Variants in SOX5 observed in about 807,000 individuals in gnomAD.
SOX5 encodes the protein SRY-box transcription factor 5, also known as transcription factor SOX-5.
Under a neutral mutation model 92.0 loss-of-function variants are expected in SOX5, and 9 were observed. That is an observed-to-expected ratio of 0.10 (90% CI 0.06 to 0.17). The LOEUF is 0.17. SOX5 is among the 10% of genes least tolerant of loss of function. The probability of loss-of-function intolerance (pLI) is 1.00; values close to 1 mark genes in which losing one functional copy is unlikely to be tolerated. For missense variants in SOX5, 642 were observed against 944.5 expected, an observed-to-expected ratio of 0.68 and a Z score of 4.20; for synonymous variants, 344 against 336.3, an observed-to-expected ratio of 1.02 and a Z score of -0.25.
chr12:24,139,537 T>C (rs1466828330), intron 4 of SOX5, among the ~76,000 whole-genome samples: 1 of 152,208 alleles, frequency 6.6e-6, no homozygotes, highest in East Asian at 1.9e-4. Context: ...TGGGATAAAA[T>C]ATTTTAATGT....
chr12:24,401,085 G>A lies in SOX5; in HGVS notation c.-250-32446C>T, dbSNP rs756905902. On this transcript the variant is annotated intron_variant, in intron 1 of 4. Transcript: ENST00000446891. ...ATGCACTTTGTTGGCCAGGCACGGC[G>A]GCTCATGCTTGTAATCCCAGCACTT... Among the ~76,000 whole-genome samples, 50 of 152,116 alleles carry A rather than the reference G, an allele frequency of 3.3e-4. 1 individual carries two copies. Among genetic ancestry groups the A allele is most frequent in the Non-Finnish European group, 4.7e-4 (32 of 68,020 alleles).
intron 1 of SOX5, among the ~76,000 whole-genome samples, chr12:24,490,955 A>G (rs978406863): frequency 2.6e-5 from 4 of 152,234 alleles, no homozygotes; most frequent in African/African-American, 7.2e-5. Flanking sequence ...AAGAGCTGCC[A>G]TATTCAAAAT....
At chr12:24,204,903 C>A (rs756909601) in intron 4 of SOX5, among the ~76,000 whole-genome samples, 10 of 151,862 alleles carry the variant, frequency 6.6e-5, no homozygotes, top group Non-Finnish European at 1.3e-4. Flanking sequence ...TATCATCTAA[C>A]CATGGTGCTA....
At chr12:24,485,699 T>G (rs1417561826) in intron 1 of SOX5, among the ~76,000 whole-genome samples, 1 of 152,204 alleles carries the variant, frequency 6.6e-6, no homozygotes, top group African/African-American at 2.4e-5. Context: ...TATTATGTAC[T>G]TTTCCACAGT....
chr12:24,039,295 CTAAA>C (rs146946192), intron 4 of SOX5, among the ~76,000 whole-genome samples: 5,231 of 152,134 alleles, frequency 0.034, 309 homozygotes, highest in African/African-American at 0.12. Flanking sequence ...TTGGCTATGA[CTAAA>C]TAATTTCTCA....
chr12:24,257,617 C>T (rs929542350), intron 3 of SOX5, among the ~76,000 whole-genome samples: 5 of 151,960 alleles, frequency 3.3e-5, no homozygotes, highest in Non-Finnish European at 5.9e-5. Context: ...TACAGGCACG[C>T]ACCACCACGA....
In SOX5 at chr12:23,572,406, T is replaced by G. The variant is rs1167266648; in HGVS notation, c.1342+3255A>C. ...AGAGAAAAGTAAATTGTAGTAGACT[T>G]AAATCCTTGGAAATTATGAGGGATG... On this transcript the variant is annotated intron_variant, in intron 10 of 14. Transcript: ENST00000451604. Among the ~76,000 whole-genome samples, 3 of 152,062 alleles carry G rather than the reference T, an allele frequency of 2.0e-5. No homozygotes were observed. In the East Asian group the frequency reaches 5.8e-4, roughly 29 times the overall value.
At chr12:24,479,916 T>C (rs12828033) in intron 1 of SOX5, among the ~76,000 whole-genome samples, 14,550 of 152,190 alleles carry the variant, frequency 0.096, 765 homozygotes, top group South Asian at 0.16. Context: ...TCCACCCACC[T>C]CAGCCTCCCA....
chr12:24,003,613 AT>A (rs748917036), intron 4 of SOX5, among the ~76,000 whole-genome samples: 1 of 152,104 alleles, frequency 6.6e-6, no homozygotes, highest in Non-Finnish European at 1.5e-5. Flanking sequence ...CAAGACTTGT[AT>A]GCTGAAAACT....
chr12:24,284,295 AATCCCTGGTGTAGGCTG>A (rs1428491628), intron 2 of SOX5, among the ~76,000 whole-genome samples: 4 of 152,052 alleles, frequency 2.6e-5, no homozygotes, highest in Non-Finnish European at 2.9e-5. Flanking sequence ...CTGCTCTGCT[AATCCCTGGTGTAGGCTG>A]ATCCCTGGAG....
chr12:23,784,808 G>A (rs557894708), intron 3 of SOX5, among the ~76,000 whole-genome samples: 2 of 152,278 alleles, frequency 1.3e-5, no homozygotes, highest in South Asian at 4.1e-4. Flanking sequence ...CACACGCAGT[G>A]GCTCACACCT....
At chr12:24,280,705 T>C (rs575900704) in intron 2 of SOX5, among the ~76,000 whole-genome samples, 1 of 152,296 alleles carries the variant, frequency 6.6e-6, no homozygotes, top group East Asian at 1.9e-4. Flanking sequence ...AGGTGACTAC[T>C]GCTTGGTGTT....
intron 1 of SOX5, among the ~76,000 whole-genome samples, chr12:24,447,005 GA>G: frequency 6.6e-6 from 1 of 152,168 alleles, no homozygotes; most frequent in East Asian, 1.9e-4. Context: ...AAATATCCAT[GA>G]GTCCATATTG....
intron 3 of SOX5, 55 bp from the exon 4 acceptor site, chr12:23,755,779 G>T: frequency 8.4e-7 from 1 of 1,186,196 alleles, no homozygotes; most frequent in Non-Finnish European, 1.2e-6. Flanking sequence ...TTACAATGGA[G>T]CTCATTAAAA....
At chr12:23,808,519 C>T (rs1348118371) in intron 3 of SOX5, among the ~76,000 whole-genome samples, 1 of 152,030 alleles carries the variant, frequency 6.6e-6, no homozygotes, top group African/African-American at 2.4e-5. Context: ...CAAAATAAAA[C>T]ACTTATTTGT....
At chr12:24,142,567 C>A (rs145833419) in intron 4 of SOX5, among the ~76,000 whole-genome samples, 7 of 152,062 alleles carry the variant, frequency 4.6e-5, no homozygotes, top group African/African-American at 7.2e-5. Flanking sequence ...GATGGAGTAA[C>A]AGGGACTGGA....
intron 1 of SOX5, among the ~76,000 whole-genome samples, chr12:24,530,380 TG>T (rs1951083159): frequency 1.3e-5 from 2 of 152,318 alleles, no homozygotes; most frequent in South Asian, 4.1e-4. Flanking sequence ...ATGAAAAAAC[TG>T]GGTTGGGATA....
At chr12:24,212,638 C>T in intron 4 of SOX5, 1 of 360,044 alleles carries the variant, frequency 2.8e-6, no homozygotes, top group Non-Finnish European at 5.5e-6. Context: ...AACACACAGC[C>T]ATTAGCCACA....
At position 23,729,648 on chromosome 12, in the gene SOX5, T is replaced by C. The variant is rs531376538; in HGVS notation, c.810+5036A>G. 5.9e-4 allele frequency among the ~76,000 whole-genome samples: 90 copies of C among 152,262 alleles called. No homozygotes were observed. The South Asian group carries it at 0.018, about 31-fold the overall frequency. ...GCTTGCAAGAGAACACAATGAACAATAGTTGGAAAAGTTAATCAGATGGGG... is the reference window on the plus strand; with the variant it reads ...GCTTGCAAGAGAACACAATGAACAACAGTTGGAAAAGTTAATCAGATGGGG... On this transcript the variant is annotated intron_variant, in intron 6 of 14. Transcript: ENST00000451604.
Sources: allele counts gnomAD v4.1 joint callset (sites outside exome capture counted in the v4.1 genomes callset), GRCh38; gene constraint gnomAD v4.1.1; transcripts MANE v1.5; gene names NCBI Gene and HGNC (gene_info 2026-07-23, HGNC 2026-07-21).